EXOC4: variants seen among roughly 807,000 people sequenced by gnomAD.
EXOC4 encodes the protein exocyst complex component 4.
Under a neutral mutation model 107.2 loss-of-function variants are expected in EXOC4, and 71 were observed. The observed-to-expected ratio is 0.66, with a 90% confidence interval of 0.55 to 0.81. The LOEUF is 0.81. Ranked by LOEUF, EXOC4 falls within the 30% of genes least tolerant of loss-of-function variation. The pLI is 0.00. For synonymous variants in EXOC4, 456 were observed against 441.2 expected, an observed-to-expected ratio of 1.03 and a Z score of -0.42; for missense variants, 1,108 against 1,189.6, an observed-to-expected ratio of 0.93 and a Z score of 1.01.
At chr7:133,277,065 G>A (rs919731787) in intron 2 of EXOC4, among the ~76,000 whole-genome samples, 1 of 151,948 alleles carries the variant, frequency 6.6e-6, no homozygotes, top group African/African-American at 2.4e-5. Context: ...GGGTTCAAGC[G>A]ATTCTCCTGC....
rs183063013 is a variant in EXOC4 at position 133,804,355 on chromosome 7, A to T, written c.1515-12970A>T. On this transcript the variant is annotated intron_variant, in intron 10 of 17. Transcript: ENST00000253861. The stretch of plus-strand genomic sequence containing the variant: ...TCTTTGCCTGTCTGTGACTCATATC[A>T]TTAGTGGCTACTTTTTTCTTAGGGC... 6.6e-5 allele frequency among the ~76,000 whole-genome samples: 10 copies of T among 152,310 alleles called. No homozygotes were observed. In the East Asian group the frequency reaches 9.6e-4, roughly 15 times the overall value.
chr7:133,956,278 A>G (rs1433860454), intron 14 of EXOC4, among the ~76,000 whole-genome samples: 3 of 152,124 alleles, frequency 2.0e-5, no homozygotes, highest in African/African-American at 2.4e-5. Context: ...GATTCTTTCC[A>G]TAAAACTTAA....
At chr7:133,856,961 G>A (rs1181773502) in intron 11 of EXOC4, among the ~76,000 whole-genome samples, 1 of 149,908 alleles carries the variant, frequency 6.7e-6, no homozygotes, top group Non-Finnish European at 1.5e-5. Flanking sequence ...ATTAGGCCTG[G>A]TGGCACATGC....
At chr7:133,318,236 A>G (rs980677456) in intron 5 of EXOC4, among the ~76,000 whole-genome samples, 2 of 152,200 alleles carry the variant, frequency 1.3e-5, no homozygotes, top group East Asian at 3.9e-4. Flanking sequence ...GGAGATATCC[A>G]ATATCCTATT....
At chr7:133,763,141 G>A (rs1478290116) in intron 10 of EXOC4, among the ~76,000 whole-genome samples, 1 of 152,018 alleles carries the variant, frequency 6.6e-6, no homozygotes, top group African/African-American at 2.4e-5. Flanking sequence ...TCACCATATG[G>A]GGATATATAT....
intron 11 of EXOC4, among the ~76,000 whole-genome samples, chr7:133,874,524 C>G (rs1184487049): frequency 1.3e-5 from 2 of 152,220 alleles, no homozygotes; most frequent in Non-Finnish European, 2.9e-5. Context: ...CTCCCTCAAA[C>G]AGTTCCATAT....
chr7:133,545,674 G>T (rs1800466166), intron 9 of EXOC4, among the ~76,000 whole-genome samples: 1 of 152,050 alleles, frequency 6.6e-6, no homozygotes, highest in Non-Finnish European at 1.5e-5. Context: ...AGTCTTAGAA[G>T]CAATCTAGTT....
chr7:133,339,315 TGTAA>T (rs1363726093), intron 5 of EXOC4, among the ~76,000 whole-genome samples: 4 of 152,186 alleles, frequency 2.6e-5, no homozygotes. Flanking sequence ...ATCAGTTGGT[TGTAA>T]GTATTTGGGT....
At chr7:133,671,694 G>A (rs1315560954) in intron 10 of EXOC4, among the ~76,000 whole-genome samples, 2 of 152,192 alleles carry the variant, frequency 1.3e-5, no homozygotes. Context: ...GATGGTAACA[G>A]TGGAGGGGAG....
At chr7:133,986,873 G>T (rs1262040674) in intron 14 of EXOC4, among the ~76,000 whole-genome samples, 2 of 152,148 alleles carry the variant, frequency 1.3e-5, no homozygotes, top group Non-Finnish European at 2.9e-5. Flanking sequence ...ACTCAACTGT[G>T]ATCCCAGTGT....
At chr7:134,006,360 A>C (rs979177016) in intron 16 of EXOC4, among the ~76,000 whole-genome samples, 1 of 134,298 alleles carries the variant, frequency 7.4e-6, no homozygotes, top group African/African-American at 2.5e-5. Flanking sequence ...ATGACACCAA[A>C]ACTTGGCCTA....
At chr7:133,757,070 G>C (rs1405017654) in intron 10 of EXOC4, among the ~76,000 whole-genome samples, 1 of 152,132 alleles carries the variant, frequency 6.6e-6, no homozygotes, top group Admixed American at 6.6e-5. Context: ...CTGTGAAATT[G>C]GTTGTTCGAG....
At chr7:133,901,044 A>G (rs1261955814) in intron 12 of EXOC4, among the ~76,000 whole-genome samples, 2 of 151,900 alleles carry the variant, frequency 1.3e-5, no homozygotes, top group African/African-American at 4.8e-5. Context: ...TAATTTTTGT[A>G]GTTTTAGTAG....
chr7:133,270,651 A>G (rs1793846169), intron 1 of EXOC4, among the ~76,000 whole-genome samples: 1 of 152,180 alleles, frequency 6.6e-6, no homozygotes, highest in Non-Finnish European at 1.5e-5. Context: ...TTTTATTTTA[A>G]TGGAAGGCTT....
At chr7:133,389,944 C>G (rs1796815389) in intron 7 of EXOC4, among the ~76,000 whole-genome samples, 1 of 150,978 alleles carries the variant, frequency 6.6e-6, no homozygotes, top group African/African-American at 2.4e-5. Context: ...TTTTTAAAAC[C>G]ATCAGGTCTC....
chr7:134,044,915 C>T (rs951969091), intron 17 of EXOC4, among the ~76,000 whole-genome samples: 3 of 152,146 alleles, frequency 2.0e-5, no homozygotes, highest in Non-Finnish European at 4.4e-5. Flanking sequence ...AGCAGTTTTC[C>T]TGGAATGATG....
intron 9 of EXOC4, among the ~76,000 whole-genome samples, chr7:133,504,109 C>T (rs538734977): frequency 4.6e-5 from 7 of 152,108 alleles, no homozygotes; most frequent in Non-Finnish European, 7.4e-5. Flanking sequence ...AACAATGTAA[C>T]AACTTTAGTA....
At chr7:133,543,538 T>A (rs902689404) in intron 9 of EXOC4, among the ~76,000 whole-genome samples, 4 of 152,174 alleles carry the variant, frequency 2.6e-5, no homozygotes, top group African/African-American at 9.6e-5. Flanking sequence ...CTTTCATATA[T>A]TTAATAACTA....
chr7:134,083,559 C>A, the EXOC4 span, among the ~76,000 whole-genome samples: 14 of 152,206 alleles, frequency 9.2e-5, no homozygotes, highest in Non-Finnish European at 1.8e-4. Flanking sequence ...CAGTCTGGAA[C>A]ATCCAAGATG....
Sources: gnomAD v4.1 joint callset for allele counts (sites outside exome capture counted in the v4.1 genomes callset) on GRCh38, gnomAD v4.1.1 for gene constraint, MANE v1.5 for transcripts, NCBI Gene and HGNC (gene_info 2026-07-23, HGNC 2026-07-21) for gene names.